WDR70: variants seen among roughly 807,000 people sequenced by gnomAD.
WDR70 encodes WD repeat-containing protein 70.
In WDR70, 53 loss-of-function variants were observed where a neutral mutation model predicts 88.6. The ratio of observed to expected loss-of-function variants is 0.60; its 90% CI spans 0.48 to 0.75. The LOEUF is 0.75. Ranked by LOEUF, WDR70 falls within the 30% of genes least tolerant of loss-of-function variation. The pLI is 0.00. For synonymous variants in WDR70, 280 were observed against 270.0 expected (o/e 1.04, Z -0.36); for missense variants, 610 against 823.2 (o/e 0.74, Z 3.17).
chr5:37,430,557 CTTTTCTTT>C (rs1484173895), intron 5 of WDR70, among the ~76,000 whole-genome samples: 1 of 151,762 alleles, frequency 6.6e-6, no homozygotes, highest in Non-Finnish European at 1.5e-5. Flanking sequence ...AGATTTTTTT[CTTTTCTTT>C]TTTTCTTTTT....
intron 5 of WDR70, among the ~76,000 whole-genome samples, chr5:37,412,233 A>G (rs1055978304): frequency 6.6e-6 from 1 of 152,106 alleles, no homozygotes; most frequent in Non-Finnish European, 1.5e-5. Flanking sequence ...CTAAAAATAC[A>G]AAAATTATCT....
intron 10 of WDR70, among the ~76,000 whole-genome samples, chr5:37,653,733 G>A (rs1038866886): frequency 5.3e-5 from 8 of 152,180 alleles, no homozygotes; most frequent in Non-Finnish European, 1.2e-4. Context: ...GCATAGAGGT[G>A]TTTATAGTAT....
rs188080254 is a variant in WDR70, at chr5:37,748,372, C to A, written c.1878-4114C>A. Among the ~76,000 whole-genome samples the A allele has an allele frequency of 1.5e-3, 223 of 152,306 alleles. 1 individual carries two copies. The highest frequency in any genetic ancestry group is 2.8e-3 in the Non-Finnish European group (191 of 68,020). The stretch of plus-strand genomic sequence containing the variant: ...AGACAAGCAATGGGGAAAGGATCTC[C>A]TATTCAGTAAATGGTGCTGGGAAAA... On this transcript the variant is annotated intron_variant, in intron 17 of 17. Coordinates refer to ENST00000265107, the MANE Select transcript of WDR70 (RefSeq NM_018034.4).
chr5:37,607,222 G>T, intron 10 of WDR70, among the ~76,000 whole-genome samples: 1 of 151,730 alleles, frequency 6.6e-6, no homozygotes, highest in Non-Finnish European at 1.5e-5. Flanking sequence ...GATTACAGAT[G>T]TGAGCCACTA....
At chr5:37,506,733 A>G in intron 8 of WDR70, 2 of 934,644 alleles carry the variant, frequency 2.1e-6, no homozygotes, top group East Asian at 2.4e-5. Context: ...CTCATTATAC[A>G]CACTGGTGGC....
chr5:37,466,599 A>C (rs1438127995), intron 7 of WDR70, among the ~76,000 whole-genome samples: 5 of 147,246 alleles, frequency 3.4e-5, no homozygotes, highest in South Asian at 2.3e-4. Flanking sequence ...CCAGCTACTC[A>C]GGAGGCTGAG....
intron 17 of WDR70, among the ~76,000 whole-genome samples, chr5:37,752,183 G>C (rs1748833264): frequency 6.6e-6 from 1 of 152,108 alleles, no homozygotes; most frequent in Admixed American, 6.5e-5. Flanking sequence ...TCAGGTGGAG[G>C]GTGGTTAGGA....
intron 10 of WDR70, among the ~76,000 whole-genome samples, chr5:37,642,790 T>C (rs1745137404): frequency 1.3e-5 from 2 of 152,232 alleles, no homozygotes; most frequent in African/African-American, 4.8e-5. Flanking sequence ...ATGTCTTCTT[T>C]TGAGAAATGT....
At chr5:37,405,815 G>T (rs1007609115) in intron 5 of WDR70, among the ~76,000 whole-genome samples, 2 of 152,260 alleles carry the variant, frequency 1.3e-5, no homozygotes, top group Middle Eastern at 3.4e-3. Flanking sequence ...GGAGCTTCAT[G>T]CAAGAGGATC....
At chr5:37,674,568 T>G (rs896779047) in intron 10 of WDR70, among the ~76,000 whole-genome samples, 1 of 152,178 alleles carries the variant, frequency 6.6e-6, no homozygotes, top group Non-Finnish European at 1.5e-5. Flanking sequence ...GACCTCACCC[T>G]TTTTTATGGC....
At chr5:37,414,252 ATCACACTGACTTTATCCCCT>A (rs148261172) in intron 5 of WDR70, among the ~76,000 whole-genome samples, 1,823 of 152,110 alleles carry the variant, frequency 0.012, 35 homozygotes, top group African/African-American at 0.042. Context: ...GCCTCTGCAA[ATCACACTGACTTTATCCCCT>A]TCTACCCCCT....
chr5:37,404,380 C>CT (rs971369016), intron 5 of WDR70, among the ~76,000 whole-genome samples: 3 of 152,012 alleles, frequency 2.0e-5, no homozygotes, highest in African/African-American at 4.8e-5. Flanking sequence ...GAAATTATTG[C>CT]TTTTTTTATG....
Position 37,486,572 on chromosome 5 carries a change from T to C in WDR70, c.840+6585T>C, listed in dbSNP as rs144683739. 8.8e-3 allele frequency among the ~76,000 whole-genome samples: 1,334 copies of C among 151,808 alleles called. 23 individuals carry two copies. The highest frequency in any genetic ancestry group is 0.031 in the African/African-American group (1,263 of 41,366). On this transcript the variant is annotated intron_variant, in intron 8 of 17. Coordinates refer to ENST00000265107, the MANE Select transcript of WDR70 (RefSeq NM_018034.4). ...GTTGTCCAGGCTGGTCTCGAACTCCTGACCTCATGTGATCCGCCTGCCTTG... is the reference window on the plus strand; with the variant it reads ...GTTGTCCAGGCTGGTCTCGAACTCCCGACCTCATGTGATCCGCCTGCCTTG...
At chr5:37,561,729 A>G (rs1463231705) in intron 9 of WDR70, among the ~76,000 whole-genome samples, 2 of 152,230 alleles carry the variant, frequency 1.3e-5, no homozygotes, top group Non-Finnish European at 2.9e-5. Context: ...TCTGGTGGGT[A>G]GAATCCCTTT....
chr5:37,714,162 A>T (rs1561087028), intron 13 of WDR70, among the ~76,000 whole-genome samples: 1 of 152,218 alleles, frequency 6.6e-6, no homozygotes, highest in Non-Finnish European at 1.5e-5. Context: ...AGGAAGATTC[A>T]GCTTTTCCTG....
intron 13 of WDR70, among the ~76,000 whole-genome samples, chr5:37,710,264 CAT>C (rs1747469557): frequency 6.6e-6 from 1 of 152,068 alleles, no homozygotes; most frequent in Non-Finnish European, 1.5e-5. Context: ...GTTTTTAACA[CAT>C]GTATGGATTC....
chr5:37,379,643 G>A, intron 2 of WDR70, 89 bp downstream of exon 2: 1 of 1,403,772 alleles, frequency 7.1e-7, no homozygotes. Context: ...CTGTCAACTC[G>A]GAATTATTGT....
At chr5:37,751,893 T>C (rs1038830449) in intron 17 of WDR70, among the ~76,000 whole-genome samples, 2 of 152,212 alleles carry the variant, frequency 1.3e-5, no homozygotes, top group African/African-American at 4.8e-5. Context: ...CATGTATCAG[T>C]GATGTATCCT....
At chr5:37,678,048 T>G (rs1313786189) in intron 10 of WDR70, among the ~76,000 whole-genome samples, 1 of 152,180 alleles carries the variant, frequency 6.6e-6, no homozygotes, top group Non-Finnish European at 1.5e-5. Context: ...AGACTAGGAT[T>G]GCAACCCCTG....
Sources: allele counts gnomAD v4.1 joint callset (sites outside exome capture counted in the v4.1 genomes callset), GRCh38; gene constraint gnomAD v4.1.1; transcripts MANE v1.5; gene names NCBI Gene and HGNC (gene_info 2026-07-23, HGNC 2026-07-21).